The following CDC42 variants were observed in gnomAD, a reference collection of about 807,000 sequenced individuals.
CDC42 encodes the protein cell division cycle 42, also known as cell division control protein 42 homolog.
Under a neutral mutation model 20.8 loss-of-function variants are expected in CDC42, and 1 was observed. The ratio of observed to expected loss-of-function variants is 0.05; its 90% CI spans 0.02 to 0.23. The LOEUF is 0.23. CDC42 is among the 10% of genes least tolerant of loss of function. The probability of loss-of-function intolerance (pLI) is 1.00; values close to 1 mark genes in which losing one functional copy is unlikely to be tolerated. For synonymous variants in CDC42, 72 were observed against 84.8 expected (o/e 0.85, Z 0.83); for missense variants, 49 against 227.9 (o/e 0.21, Z 5.05).
rs1475995417 is a variant in CDC42 at position 22,093,858 on chromosome 1, C to T, written c.*2341C>T. 6.6e-6 allele frequency among the ~76,000 whole-genome samples: 1 copy of T among 152,150 alleles called. No homozygotes were observed. Among genetic ancestry groups the T allele is most frequent in the Non-Finnish European group, 1.5e-5 (1 of 68,038 alleles). ...ATCTTTGTCCTAAAGCAATGCTTGA[C>T]ATGATATGGCTCTAGAAGTAGTCAT... On this transcript the variant is annotated 3_prime_UTR_variant, in exon 6 of 6. Transcript: ENST00000656825.
chr1:22,084,757 C>T (rs985610650), intron 3 of CDC42, among the ~76,000 whole-genome samples: 6 of 151,990 alleles, frequency 3.9e-5, no homozygotes, highest in Admixed American at 2.6e-4. Flanking sequence ...CCTATGTTTT[C>T]TGGGAGTTTT....
chr1:22,082,444 A>G (rs1016137763), intron 3 of CDC42, among the ~76,000 whole-genome samples: 1 of 152,216 alleles, frequency 6.6e-6, no homozygotes, highest in East Asian at 1.9e-4. Flanking sequence ...TCTTCCTTAA[A>G]TGTACCTAAT....
At chr1:22,080,449 A>G (rs915135491) in intron 2 of CDC42, among the ~76,000 whole-genome samples, 4 of 152,134 alleles carry the variant, frequency 2.6e-5, no homozygotes. Flanking sequence ...TCTTCTTTAC[A>G]TTTAAATAAG....
At chr1:22,061,250 T>C (rs1326830727) in intron 1 of CDC42, among the ~76,000 whole-genome samples, 1 of 151,822 alleles carries the variant, frequency 6.6e-6, no homozygotes, top group Non-Finnish European at 1.5e-5. Context: ...CTACTAAAAA[T>C]ACAAAAAATT....
chr1:22,086,658 C>A lies in CDC42; in HGVS notation c.289-11C>A, dbSNP rs1269605870. 6.2e-7 allele frequency: 1 copy of A among 1,613,092 alleles called. No homozygotes were observed. On this transcript the variant is annotated splice_polypyrimidine_tract_variant and intron_variant, in intron 4 of 5. Coordinates refer to ENST00000656825, the MANE Select transcript of CDC42 (RefSeq NM_001791.4). Reference sequence around the variant, plus strand: ...ATTAACAAAGGTGTATTTTAAAATACCTTTTTTTAGTGGGTGCCTGAGATA... The same window carrying A: ...ATTAACAAAGGTGTATTTTAAAATAACTTTTTTTAGTGGGTGCCTGAGATA...
intron 1 of CDC42, among the ~76,000 whole-genome samples, chr1:22,057,816 C>A (rs553218562): frequency 1.3e-5 from 2 of 151,548 alleles, no homozygotes; most frequent in African/African-American, 2.4e-5. Flanking sequence ...CTCTGCCTCC[C>A]GGGTTCAAGT....
chr1:22,068,533 C>G (rs989362624), intron 1 of CDC42: 1 of 152,972 alleles, frequency 6.5e-6, no homozygotes, highest in African/African-American at 2.4e-5. Flanking sequence ...GTTTCATCTT[C>G]AATTTCTGCT....
At chr1:22,066,827 G>A (rs936222597) in intron 1 of CDC42, among the ~76,000 whole-genome samples, 3 of 152,166 alleles carry the variant, frequency 2.0e-5, no homozygotes, top group African/African-American at 7.2e-5. Context: ...ACTTTGGGAG[G>A]CCGAGGTGGG....
rs536688494 is a variant in CDC42 at position 22,074,468 on chromosome 1, CAT to C, written c.-50-3959_-50-3958del. Among the ~76,000 whole-genome samples the C allele has an allele frequency of 2.6e-4, 39 of 152,310 alleles. 1 individual carries two copies. The South Asian group carries it at 8.1e-3, about 32-fold the overall frequency. The stretch of plus-strand genomic sequence containing the variant: ...TTGACATTATTTAATAGGAGATTAA[CAT>C]AGGGTATATGAACATGTCTGACTTA... On this transcript the variant is annotated intron_variant, in intron 1 of 5. Transcript: ENST00000656825.
chr1:22,095,155 G>A lies in CDC42; in HGVS notation c.*3638G>A, dbSNP rs1645747652. 6.6e-6 allele frequency among the ~76,000 whole-genome samples: 1 copy of A among 152,150 alleles called. No individual in the cohort carries two copies. Among genetic ancestry groups the A allele is most frequent in the Admixed American group, 6.5e-5 (1 of 15,274 alleles). On this transcript the variant is annotated 3_prime_UTR_variant, in exon 6 of 6. Transcript: ENST00000656825. ...CTCTGAATGATTATTGGAGGGAAGT[G>A]GCTTTATGTCACACTTGTTTTCTGT...
intron 2 of CDC42, among the ~76,000 whole-genome samples, chr1:22,079,208 G>A (rs183014590): frequency 6.9e-4 from 103 of 150,272 alleles, no homozygotes; most frequent in Non-Finnish European, 1.4e-3. Flanking sequence ...GCGCGATCTC[G>A]GCTTGCTGCA....
rs1013892330 is a variant in CDC42 at position 22,098,820 on chromosome 1, G to A, written c.*7303G>A. ...GTCACCCAGGCTGGAGTGCAGTGTCGTGGTCTTGGGTCACTGCATCCTTGA... is the reference window on the plus strand; with the variant it reads ...GTCACCCAGGCTGGAGTGCAGTGTCATGGTCTTGGGTCACTGCATCCTTGA... On this transcript the variant is annotated 3_prime_UTR_variant, in exon 6 of 6. Coordinates refer to ENST00000656825, the MANE Select transcript of CDC42 (RefSeq NM_001791.4). Among the ~76,000 whole-genome samples the A allele has an allele frequency of 2.6e-5, 4 of 152,188 alleles. No homozygotes were observed. Among genetic ancestry groups the A allele is most frequent in the Admixed American group, 2.0e-4 (3 of 15,296 alleles).
At position 22,095,559 on chromosome 1, in the gene CDC42, G is replaced by A. The variant is rs1456497709; in HGVS notation, c.*4042G>A. 6.6e-6 allele frequency among the ~76,000 whole-genome samples: 1 copy of A among 152,128 alleles called. No homozygotes were observed. The highest frequency in any genetic ancestry group is 2.4e-5 in the African/African-American group (1 of 41,426). ...GCTAGGATTACAGGCGTGAGCCACC[G>A]CGCCTGGCCAGAATGAATACTTTTA... On this transcript the variant is annotated 3_prime_UTR_variant, in exon 6 of 6. Coordinates refer to ENST00000656825, the MANE Select transcript of CDC42 (RefSeq NM_001791.4).
intron 1 of CDC42, among the ~76,000 whole-genome samples, chr1:22,056,202 A>G (rs1033104556): frequency 2.6e-5 from 4 of 152,216 alleles, no homozygotes; most frequent in Non-Finnish European, 4.4e-5. Flanking sequence ...CTGAGGGTTA[A>G]CGTTTTCCCT....
intron 3 of CDC42, among the ~76,000 whole-genome samples, chr1:22,085,685 T>A (rs1645654890): frequency 2.0e-5 from 3 of 152,368 alleles, no homozygotes; most frequent in African/African-American, 7.2e-5. Flanking sequence ...CGATTAATTC[T>A]TGCTAAATTT....
chr1:22,089,865 C>A lies in CDC42; in HGVS notation c.487-1563C>A, dbSNP rs780578572. The A allele has an allele frequency of 5.1e-6, 7 of 1,384,864 alleles. No homozygotes were observed. The African/African-American group carries it at 8.6e-5, about 17-fold the overall frequency. 85.8% of individuals were successfully genotyped at this position (1,384,864 alleles called of 1,614,324 possible). ...TTCTGTGAATTCAGCTCATTTAATC[C>A]GGACTGCTGTTGTACCTGCTAGTCT... On this transcript the variant is annotated intron_variant, in intron 5 of 5. Coordinates refer to ENST00000656825, the MANE Select transcript of CDC42 (RefSeq NM_001791.4).
At chr1:22,077,795 C>A (rs1433784479) in intron 1 of CDC42, among the ~76,000 whole-genome samples, 5 of 152,202 alleles carry the variant, frequency 3.3e-5, no homozygotes, top group African/African-American at 1.2e-4. Flanking sequence ...GTTTATAAGT[C>A]AGTATGCTTT....
chr1:22,062,329 A>G (rs1427986007), intron 1 of CDC42, among the ~76,000 whole-genome samples: 1 of 152,246 alleles, frequency 6.6e-6, no homozygotes, highest in East Asian at 1.9e-4. Context: ...TAGAACAAAG[A>G]AAGTCTAAAT....
At chr1:22,083,796 G>A (rs376732477) in intron 3 of CDC42, among the ~76,000 whole-genome samples, 2 of 152,126 alleles carry the variant, frequency 1.3e-5, no homozygotes, top group African/African-American at 2.4e-5. Flanking sequence ...GGTTCCCTTT[G>A]CAGTCAGCCC....
Sources: allele counts gnomAD v4.1 joint callset (sites outside exome capture counted in the v4.1 genomes callset), GRCh38; gene constraint gnomAD v4.1.1; transcripts MANE v1.5; gene names NCBI Gene and HGNC (gene_info 2026-07-23, HGNC 2026-07-21).